Variants in OTOG observed in about 807,000 individuals in gnomAD.
OTOG encodes otogelin.
In OTOG, 296 loss-of-function variants were observed where a neutral mutation model predicts 313.8. The observed-to-expected ratio is 0.94, with a 90% confidence interval of 0.86 to 1.04. OTOG has a LOEUF of 1.04. Ranked by LOEUF, OTOG falls within the 50% of genes least tolerant of loss-of-function variation. The probability of loss-of-function intolerance (pLI) is 0.00; values close to 1 mark genes in which losing one functional copy is unlikely to be tolerated. For synonymous variants in OTOG, 1,533 were observed against 1,554.9 expected (o/e 0.99, Z 0.33); for missense variants, 3,948 against 3,840.1 (o/e 1.03, Z -0.74).
chr11:17,560,753 C>T lies in OTOG; in HGVS notation c.1387C>T (p.Pro463Ser), dbSNP rs929210990. 2.6e-6 allele frequency: 4 copies of T among 1,550,526 alleles called. No individual in the cohort carries two copies. In the African/African-American group the frequency reaches 5.5e-5, roughly 21 times the overall value. The change falls in exon 13 of 56, where the codon CCC becomes TCC. Residue 463 changes from proline (P) to serine (S), a missense_variant. Pro to Ser is a moderately conservative substitution (Grantham distance 74). Transcript: ENST00000399397. The part of the protein sequence containing the change: ...DGGCVAPAEC[P>S]CEFHGTLYPP... ...GGGCTGCGTGGCACCAGCTGAGTGT[C>T]CCTGTGAGTTTCACGGGACTCTGTA...
chr11:17,548,017 C>G, intron 2 of OTOG, 30 bp downstream of exon 2: 1 of 982,868 alleles, frequency 1.0e-6, no homozygotes. Flanking sequence ...GGCGGCCCCA[C>G]CCACAGCTCC....
chr11:17,568,141 T>A (rs544885277), intron 15 of OTOG, among the ~76,000 whole-genome samples: 1 of 152,226 alleles, frequency 6.6e-6, no homozygotes, highest in Admixed American at 6.5e-5. Context: ...TCTCCTGACC[T>A]CGTGATCCGC....
intron 39 of OTOG, among the ~76,000 whole-genome samples, chr11:17,623,384 G>A (rs1226571727): frequency 2.0e-5 from 3 of 152,200 alleles, no homozygotes; most frequent in Non-Finnish European, 4.4e-5. Context: ...ACTTATCAGT[G>A]AGAACATGCA....
intron 39 of OTOG, among the ~76,000 whole-genome samples, chr11:17,623,033 A>G (rs1211280626): frequency 1.3e-5 from 2 of 152,294 alleles, no homozygotes; most frequent in Non-Finnish European, 2.9e-5. Context: ...GATAAAAGCC[A>G]TTTTAAGTGG....
rs1020376969 is a variant in OTOG at position 17,635,104 on chromosome 11, C to T, written c.7610C>T (p.Ala2537Val). The change falls in exon 46 of 56, where the codon GCA becomes GTA. Residue 2537 changes from alanine to valine, a missense_variant. Ala to Val is a moderately conservative substitution (Grantham distance 64, BLOSUM62 0). Coordinates refer to ENST00000399397, the MANE Select transcript of OTOG (RefSeq NM_001292063.2). ...SCECDPDLCE[A>V]ELVPSCRQDQ... ...GAGTGTGACCCAGATCTCTGTGAGGCAGAGCTGGTCCCCAGCTGCCGACAG... is the reference window on the plus strand; with the variant it reads ...GAGTGTGACCCAGATCTCTGTGAGGTAGAGCTGGTCCCCAGCTGCCGACAG... 7.1e-6 allele frequency: 11 copies of T among 1,549,146 alleles called. No homozygotes were observed. Among genetic ancestry groups the T allele is most frequent in the Non-Finnish European group, 9.6e-6 (11 of 1,146,514 alleles).
chr11:17,596,343 G>A (rs1178872544), intron 29 of OTOG, among the ~76,000 whole-genome samples, 189 bp downstream of exon 29: 4 of 152,212 alleles, frequency 2.6e-5, no homozygotes, highest in African/African-American at 9.6e-5. Flanking sequence ...ACCAGGCACA[G>A]ACAGCCAGGA....
chr11:17,601,310 A>G (rs1190732911), intron 31 of OTOG, among the ~76,000 whole-genome samples: 2 of 152,050 alleles, frequency 1.3e-5, no homozygotes, highest in Non-Finnish European at 2.9e-5. Flanking sequence ...CTTCACAAGG[A>G]GGTGACATTT....
intron 24 of OTOG, among the ~76,000 whole-genome samples, chr11:17,589,290 A>G (rs183628210): frequency 1.1e-4 from 16 of 152,030 alleles, no homozygotes; most frequent in African/African-American, 1.7e-4. Flanking sequence ...CCACTAGATA[A>G]CTATTCCACT....
At chr11:17,627,353 A>G (rs1854009254) in intron 39 of OTOG, among the ~76,000 whole-genome samples, 1 of 151,736 alleles carries the variant, frequency 6.6e-6, no homozygotes, top group South Asian at 2.1e-4. Flanking sequence ...TATTGAATGC[A>G]TTTTCAGCAT....
intron 39 of OTOG, among the ~76,000 whole-genome samples, chr11:17,616,107 T>C (rs1321769451): frequency 1.3e-5 from 2 of 152,118 alleles, no homozygotes; most frequent in Non-Finnish European, 2.9e-5. Flanking sequence ...TCATCTAGAC[T>C]AGAGTGTGGT....
chr11:17,637,170 T>C (rs925595135), intron 47 of OTOG, among the ~76,000 whole-genome samples: 16 of 152,342 alleles, frequency 1.1e-4, no homozygotes, highest in African/African-American at 3.8e-4. Flanking sequence ...CCAGATTCTC[T>C]CTATGGCTTT....
At chr11:17,555,992 T>C (rs1852051099) in intron 7 of OTOG, 95 bp downstream of exon 7, 3 of 1,008,508 alleles carry the variant, frequency 3.0e-6, no homozygotes, top group Non-Finnish European at 4.4e-6. Context: ...CAAAGGAAAT[T>C]GTTTTCTGGG....
intron 6 of OTOG, among the ~76,000 whole-genome samples, chr11:17,554,093 AAAG>A (rs1466753057): frequency 2.6e-5 from 4 of 152,120 alleles, no homozygotes; most frequent in African/African-American, 7.2e-5. Context: ...TTCTGGGGAA[AAAG>A]ATCATTGGGT....
intron 40 of OTOG, among the ~76,000 whole-genome samples, chr11:17,630,259 A>T (rs1436901428): frequency 6.6e-6 from 1 of 152,016 alleles, no homozygotes; most frequent in Non-Finnish European, 1.5e-5. Flanking sequence ...ACCACCACCA[A>T]CACCATCACC....
chr11:17,586,357 C>T (rs1852793850), intron 23 of OTOG, 117 bp from the exon 24 acceptor site: 1 of 481,476 alleles, frequency 2.1e-6, no homozygotes, highest in Admixed American at 4.5e-5. Context: ...CAGTCAGTCT[C>T]TTCTAGGGTA....
intron 39 of OTOG, among the ~76,000 whole-genome samples, chr11:17,620,222 T>C (rs1040032637): frequency 6.6e-6 from 1 of 152,164 alleles, no homozygotes; most frequent in African/African-American, 2.4e-5. Context: ...GGCAACCCCA[T>C]ACCCATTAAG....
In OTOG at chr11:17,570,326, C is replaced by T. The variant is rs909717508; in HGVS notation, c.1891C>T (p.Arg631Ter). The change falls in exon 17 of 56, where the codon CGA (arginine) becomes TGA (stop). Residue 631 changes from arginine (R) to a stop codon, truncating the protein, a stop_gained. Transcript: ENST00000399397. LOFTEE classifies it high-confidence loss of function. ...GLRLYLQVDQ[R>*]WVEDTVGLCG... The stretch of plus-strand genomic sequence containing the variant: ...CCGACTGTACCTGCAAGTGGACCAG[C>T]GATGGGTGGAGGATACCGTGGGCCT... 20 of 1,550,518 alleles carry T rather than the reference C, an allele frequency of 1.3e-5. No homozygotes were observed. The highest frequency in any genetic ancestry group is 2.4e-5 in the East Asian group (1 of 40,916).
chr11:17,583,711 T>C (rs1852728507), intron 23 of OTOG, among the ~76,000 whole-genome samples: 1 of 152,218 alleles, frequency 6.6e-6, no homozygotes, highest in Non-Finnish European at 1.5e-5. Context: ...ACTCTCTTGA[T>C]TTATGGAGCT....
intron 19 of OTOG, 145 bp from the exon 20 acceptor site, chr11:17,574,575 C>T: frequency 1.3e-6 from 1 of 791,934 alleles, no homozygotes; most frequent in Non-Finnish European, 1.9e-6. Flanking sequence ...TCAAATCCTG[C>T]CTCTGACCTT....
Sources: allele counts gnomAD v4.1 joint callset (sites outside exome capture counted in the v4.1 genomes callset), GRCh38; gene constraint gnomAD v4.1.1; transcripts MANE v1.5; gene names NCBI Gene and HGNC (gene_info 2026-07-23, HGNC 2026-07-21).